SLC17A1: variants seen among roughly 807,000 people sequenced by gnomAD.
The protein encoded by SLC17A1 is solute carrier family 17 member 1.
SLC17A1 carries 51 observed loss-of-function variants against 53.5 expected under a neutral mutation model. The observed-to-expected ratio is 0.95, with a 90% CI of 0.76 to 1.20. The LOEUF is 1.20. Ranked by LOEUF, SLC17A1 falls within the 50% of genes most tolerant of loss-of-function variation. SLC17A1 has a pLI of 0.00. For synonymous variants in SLC17A1, 179 were observed against 198.8 expected (o/e 0.90, Z 0.84); for missense variants, 538 against 568.2 (o/e 0.95, Z 0.54).
the SLC17A1 span, among the ~76,000 whole-genome samples, chr6:25,729,083 C>T: frequency 6.6e-6 from 1 of 152,302 alleles, no homozygotes; most frequent in East Asian, 1.9e-4. Flanking sequence ...AACCTGTCGA[C>T]TTTGTGACCA....
At chr6:25,726,093 T>C in the SLC17A1 span, 1 of 1,482,432 alleles carries the variant, frequency 6.7e-7, no homozygotes, top group Non-Finnish European at 9.0e-7. Context: ...CTTTTGTTTT[T>C]TCTGACACAG....
intron 3 of SLC17A1, 43 bp from the exon 4 acceptor site, chr6:25,819,958 G>T: frequency 7.6e-7 from 1 of 1,318,136 alleles, no homozygotes. Flanking sequence ...CTGCATATCA[G>T]AAATTTACTG....
At chr6:25,792,433 GTCTACAAGTCT>G (rs150005885) in intron 12 of SLC17A1, among the ~76,000 whole-genome samples, 225 of 152,272 alleles carry the variant, frequency 1.5e-3, no homozygotes, top group African/African-American at 5.2e-3. Context: ...TTCCAGACCA[GTCTACAAGTCT>G]TCCACATATT....
At chr6:25,741,718 A>C in the SLC17A1 span, among the ~76,000 whole-genome samples, 2 of 151,996 alleles carry the variant, frequency 1.3e-5, no homozygotes, top group Admixed American at 1.3e-4. Flanking sequence ...TCTGTCTCAA[A>C]AACAACAGCA....
the SLC17A1 span, among the ~76,000 whole-genome samples, chr6:25,730,892 T>C: frequency 4.7e-4 from 71 of 152,296 alleles, no homozygotes; most frequent in Non-Finnish European, 2.6e-4. Flanking sequence ...TGGTGTATAA[T>C]CAGACAACAG....
At chr6:25,830,732 A>G in intron 1 of SLC17A1, 125 bp from the exon 2 acceptor site, 1 of 532,618 alleles carries the variant, frequency 1.9e-6, no homozygotes, top group Admixed American at 2.8e-5. Context: ...AGCAGTGCCC[A>G]TTCACCTCCA....
chr6:25,733,407 G>A, the SLC17A1 span, among the ~76,000 whole-genome samples: 1 of 152,054 alleles, frequency 6.6e-6, no homozygotes, highest in Non-Finnish European at 1.5e-5. Flanking sequence ...ATCAGTCAAG[G>A]AATGGGCATA....
At chr6:25,748,698 G>A in the SLC17A1 span, among the ~76,000 whole-genome samples, 1 of 152,226 alleles carries the variant, frequency 6.6e-6, no homozygotes, top group Non-Finnish European at 1.5e-5. Flanking sequence ...CAAGAGGAAT[G>A]TGGTAGGAGA....
At chr6:25,791,077 A>C (rs1335098220) in intron 12 of SLC17A1, among the ~76,000 whole-genome samples, 3 of 152,202 alleles carry the variant, frequency 2.0e-5, no homozygotes, top group Admixed American at 1.3e-4. Flanking sequence ...CTAATACTTG[A>C]CTGAGGAAAA....
intron 10 of SLC17A1, among the ~76,000 whole-genome samples, chr6:25,807,362 A>G (rs1177571623): frequency 6.6e-6 from 1 of 152,200 alleles, no homozygotes; most frequent in Non-Finnish European, 1.5e-5. Context: ...GCCATTAAAA[A>G]GAAGGAAATA....
the SLC17A1 span, among the ~76,000 whole-genome samples, chr6:25,745,336 G>A: frequency 6.6e-6 from 1 of 152,118 alleles, no homozygotes; most frequent in African/African-American, 2.4e-5. Context: ...TATATGTATG[G>A]ATATAGGTGT....
chr6:25,741,941 A>G, the SLC17A1 span, among the ~76,000 whole-genome samples: 86 of 152,308 alleles, frequency 5.6e-4, no homozygotes, highest in Non-Finnish European at 9.9e-4. Flanking sequence ...CGACAGACAA[A>G]ATGGACTCCC....
the SLC17A1 span, among the ~76,000 whole-genome samples, chr6:25,725,697 C>T: frequency 0.061 from 9,228 of 152,204 alleles, 357 homozygotes; most frequent in Middle Eastern, 0.12. Flanking sequence ...CTCCCGGACT[C>T]ATGAACAACC....
At chr6:25,726,571 G>A in the SLC17A1 span, 18 of 1,569,232 alleles carry the variant, frequency 1.1e-5, no homozygotes, top group Admixed American at 3.5e-5. Flanking sequence ...ACATTTCTAG[G>A]GCTGCTACTG....
chr6:25,771,847 G>A, the SLC17A1 span, among the ~76,000 whole-genome samples: 1 of 152,128 alleles, frequency 6.6e-6, no homozygotes, highest in African/African-American at 2.4e-5. Context: ...GAGAGATGCT[G>A]CAGAAAGGTT....
chr6:25,799,279 A>G (rs1476946783), intron 11 of SLC17A1, among the ~76,000 whole-genome samples: 4 of 152,098 alleles, frequency 2.6e-5, no homozygotes, highest in African/African-American at 9.7e-5. Flanking sequence ...ATAGATAAAG[A>G]GTGTCTTCAT....
At chr6:25,785,311 C>A (rs1374907100) in intron 12 of SLC17A1, among the ~76,000 whole-genome samples, 1 of 152,066 alleles carries the variant, frequency 6.6e-6, no homozygotes, top group Non-Finnish European at 1.5e-5. Flanking sequence ...TTTTTAAAAA[C>A]CATCTCAAAA....
chr6:25,746,267 G>A, the SLC17A1 span, among the ~76,000 whole-genome samples: 1,099 of 152,202 alleles, frequency 7.2e-3, 10 homozygotes, highest in African/African-American at 0.019. Context: ...CTTTAGTTTT[G>A]ATGATCCTTC....
At chr6:25,730,896 A>G in the SLC17A1 span, among the ~76,000 whole-genome samples, 2 of 152,240 alleles carry the variant, frequency 1.3e-5, no homozygotes, top group African/African-American at 4.8e-5. Context: ...GTATAATCAG[A>G]CAACAGAAAT....
Sources: gnomAD v4.1 joint callset for allele counts (sites outside exome capture counted in the v4.1 genomes callset) on GRCh38, gnomAD v4.1.1 for gene constraint, MANE v1.5 for transcripts, NCBI Gene and HGNC (gene_info 2026-07-23, HGNC 2026-07-21) for gene names.